The following KIF5C variants were observed in gnomAD, a reference collection of about 807,000 sequenced individuals.
KIF5C encodes kinesin family member 5C, also known as kinesin heavy chain isoform 5C.
Under a neutral mutation model 125.2 loss-of-function variants are expected in KIF5C, and 18 were observed. The ratio of observed to expected loss-of-function variants is 0.14; its 90% CI spans 0.10 to 0.21. The LOEUF (loss-of-function observed/expected upper bound fraction) is 0.21. KIF5C is among the 10% of genes least tolerant of loss of function. The pLI, the probability that KIF5C is intolerant of heterozygous loss-of-function variation, is 1.00. For missense variants in KIF5C, 780 were observed against 1,183.8 expected, an observed-to-expected ratio of 0.66 and a Z score of 5.01; for synonymous variants, 405 against 434.0, an observed-to-expected ratio of 0.93 and a Z score of 0.83.
At chr2:148,948,996 C>G (rs149878972) in intron 8 of KIF5C, among the ~76,000 whole-genome samples, 6 of 152,252 alleles carry the variant, frequency 3.9e-5, no homozygotes, top group African/African-American at 1.4e-4. Flanking sequence ...AGGAGTTTCT[C>G]CTTTATATGT....
intron 10 of KIF5C, among the ~76,000 whole-genome samples, chr2:148,961,272 C>A (rs1682917778): frequency 1.3e-5 from 2 of 152,158 alleles, no homozygotes; most frequent in Non-Finnish European, 1.5e-5. Context: ...GGCCTCCTCA[C>A]CGCATGGTGA....
chr2:149,013,026 C>T (rs1363263887), intron 25 of KIF5C, among the ~76,000 whole-genome samples: 2 of 152,264 alleles, frequency 1.3e-5, no homozygotes, highest in African/African-American at 4.8e-5. Context: ...ACCCAGAGGC[C>T]CAGGCTCCTT....
intron 11 of KIF5C, among the ~76,000 whole-genome samples, chr2:148,965,995 A>G (rs1683040556): frequency 1.3e-5 from 2 of 152,196 alleles, no homozygotes; most frequent in Non-Finnish European, 2.9e-5. Flanking sequence ...TAATGAGGGC[A>G]TGGCTGGTGT....
At chr2:149,016,616 G>A (rs553102300) in intron 25 of KIF5C, among the ~76,000 whole-genome samples, 1 of 152,294 alleles carries the variant, frequency 6.6e-6, no homozygotes, top group East Asian at 1.9e-4. Flanking sequence ...GGATGAGCAG[G>A]TTTTGTGGGA....
intron 1 of KIF5C, among the ~76,000 whole-genome samples, chr2:148,905,857 G>T (rs1681084291): frequency 6.6e-6 from 1 of 152,132 alleles, no homozygotes; most frequent in Admixed American, 6.5e-5. Flanking sequence ...GAAGGTGAAA[G>T]GCATGTCTTA....
Position 148,876,538 on chromosome 2 carries a change from C to T in KIF5C, c.126+795C>T, listed in dbSNP as rs928362869. ...GAGGGGGCTCAGAGCGCAGTAGCCCCCTGTGCCAAGAGCAGAAGTTACTTC... is the reference window on the plus strand; with the variant it reads ...GAGGGGGCTCAGAGCGCAGTAGCCCTCTGTGCCAAGAGCAGAAGTTACTTC... On this transcript the variant is annotated intron_variant, in intron 1 of 25. Transcript: ENST00000435030. This position sits in a 1 kb window ranked among gnomAD's most constrained non-coding sequence, Gnocchi z 4.7. 1.3e-5 allele frequency among the ~76,000 whole-genome samples: 2 copies of T among 152,174 alleles called. No individual in the cohort carries two copies. Among genetic ancestry groups the T allele is most frequent in the Non-Finnish European group, 2.9e-5 (2 of 68,024 alleles).
intron 1 of KIF5C, among the ~76,000 whole-genome samples, chr2:148,914,213 C>A (rs1681454365): frequency 6.6e-6 from 1 of 152,184 alleles, no homozygotes; most frequent in Non-Finnish European, 1.5e-5. Context: ...TTCCTCCTAC[C>A]CCCTGTAGGT....
At chr2:148,880,794 C>T (rs1245591786) in intron 1 of KIF5C, among the ~76,000 whole-genome samples, 2 of 152,032 alleles carry the variant, frequency 1.3e-5, no homozygotes, top group Admixed American at 6.5e-5. Context: ...CCTGTGAAAT[C>T]ATGGACTGAG....
At chr2:148,882,474 T>C (rs1681394267) in intron 1 of KIF5C, among the ~76,000 whole-genome samples, 1 of 152,308 alleles carries the variant, frequency 6.6e-6, no homozygotes, top group East Asian at 1.9e-4. Context: ...GATGCTTCAG[T>C]AGGGGCATTC....
At chr2:148,960,889 C>T (rs920709181) in intron 10 of KIF5C, among the ~76,000 whole-genome samples, 7 of 152,226 alleles carry the variant, frequency 4.6e-5, no homozygotes, top group Non-Finnish European at 7.3e-5. Flanking sequence ...GAAGCTTTAC[C>T]TTCTTGAAAG....
At chr2:149,005,561 G>T (rs1296740162) in intron 22 of KIF5C, 97 bp downstream of exon 22, 2 of 1,520,126 alleles carry the variant, frequency 1.3e-6, no homozygotes, top group East Asian at 4.8e-5. Flanking sequence ...AGTCGGGGCT[G>T]GTTATGCTTA....
At chr2:148,978,873 CA>C in intron 12 of KIF5C, 48 bp from the exon 13 acceptor site, 2 of 1,540,736 alleles carry the variant, frequency 1.3e-6, no homozygotes, top group Non-Finnish European at 1.8e-6. Context: ...ACTGGGATAT[CA>C]AAAATGACAT....
At position 148,945,674 on chromosome 2, in the gene KIF5C, C is replaced by T. The variant is rs147603154; in HGVS notation, c.590-1225C>T. ...TATCACCCGAACTGTATGCACTGCA[C>T]CCTATTTGTAGTCTCTTATCCCTCA... On this transcript the variant is annotated intron_variant, in intron 7 of 25. Coordinates refer to ENST00000435030, the MANE Select transcript of KIF5C (RefSeq NM_004522.3). Among the ~76,000 whole-genome samples the T allele has an allele frequency of 3.4e-3, 524 of 152,174 alleles. 1 individual carries two copies. Among genetic ancestry groups the T allele is most frequent in the Non-Finnish European group, 6.5e-3 (441 of 67,996 alleles).
chr2:148,908,250 C>G (rs898667704), intron 1 of KIF5C, among the ~76,000 whole-genome samples: 6 of 152,236 alleles, frequency 3.9e-5, no homozygotes, highest in Admixed American at 3.3e-4. Context: ...CTGCCTCCCT[C>G]CCAGCAAGAT....
At chr2:149,006,179 G>C (rs1041954728) in intron 22 of KIF5C, among the ~76,000 whole-genome samples, 2 of 152,174 alleles carry the variant, frequency 1.3e-5, no homozygotes, top group Non-Finnish European at 2.9e-5. Context: ...GTGCATATGT[G>C]TGTAAATGTG....
chr2:148,951,330 C>T (rs1682652783), intron 10 of KIF5C, among the ~76,000 whole-genome samples: 1 of 152,196 alleles, frequency 6.6e-6, no homozygotes, highest in Non-Finnish European at 1.5e-5. Context: ...AAAATTCCCA[C>T]ATGAGACTTC....
intron 11 of KIF5C, among the ~76,000 whole-genome samples, chr2:148,969,999 C>G (rs1307295722): frequency 6.6e-6 from 1 of 152,156 alleles, no homozygotes; most frequent in Non-Finnish European, 1.5e-5. Context: ...CGGCTTTGTT[C>G]TTCTCCGTTG....
At chr2:148,981,069 T>C (rs1444596554) in intron 13 of KIF5C, among the ~76,000 whole-genome samples, 1 of 152,204 alleles carries the variant, frequency 6.6e-6, no homozygotes, top group Non-Finnish European at 1.5e-5. Context: ...GATGTGTAAT[T>C]CTTTCTTTGA....
At chr2:148,928,893 CT>C (rs1180591070) in intron 2 of KIF5C, among the ~76,000 whole-genome samples, 2 of 152,180 alleles carry the variant, frequency 1.3e-5, no homozygotes, top group African/African-American at 4.8e-5. Context: ...AAATTCTGTT[CT>C]TCATCTCACT....
Sources: gnomAD v4.1 joint callset for allele counts (sites outside exome capture counted in the v4.1 genomes callset) on GRCh38, gnomAD v4.1.1 for gene constraint, Gnocchi (gnomAD v3.1) non-coding constraint, MANE v1.5 for transcripts, NCBI Gene and HGNC (gene_info 2026-07-23, HGNC 2026-07-21) for gene names.